Variants in SLC25A21 observed in about 807,000 individuals in gnomAD.
SLC25A21 encodes the protein mitochondrial 2-oxodicarboxylate carrier.
SLC25A21 carries 47 observed loss-of-function variants against 43.8 expected under a neutral mutation model. That is an observed-to-expected ratio of 1.07 (90% CI 0.85 to 1.37). The LOEUF (loss-of-function observed/expected upper bound fraction) is 1.37. Ranked by LOEUF, SLC25A21 falls within the 40% of genes most tolerant of loss-of-function variation. The pLI is 0.00. For synonymous variants in SLC25A21, 131 were observed against 121.3 expected, an observed-to-expected ratio of 1.08 and a Z score of -0.52; for missense variants, 352 against 350.2, an observed-to-expected ratio of 1.00 and a Z score of -0.04.
chr14:36,949,556 TC>T (rs1247462110), intron 1 of SLC25A21, among the ~76,000 whole-genome samples: 6 of 152,176 alleles, frequency 3.9e-5, no homozygotes, highest in African/African-American at 1.4e-4. Context: ...CCTCTGCACT[TC>T]CTCCCCGCTG....
At chr14:36,740,388 G>T (rs2139238940) in intron 3 of SLC25A21, among the ~76,000 whole-genome samples, 1 of 152,206 alleles carries the variant, frequency 6.6e-6, no homozygotes, top group African/African-American at 2.4e-5. Context: ...GGACTCCAAA[G>T]CCACTAGATT....
intron 1 of SLC25A21, chr14:37,172,035 T>C (rs1594359512): frequency 1.8e-6 from 1 of 545,464 alleles, no homozygotes; most frequent in Non-Finnish European, 3.3e-6. Flanking sequence ...GAACGGACAA[T>C]GCCGGGAACC....
intron 1 of SLC25A21, among the ~76,000 whole-genome samples, chr14:36,966,803 G>C: frequency 6.6e-6 from 1 of 152,248 alleles, no homozygotes; most frequent in East Asian, 1.9e-4. Context: ...TCTGGTTGGG[G>C]AACTTGGGGA....
chr14:37,102,427 A>G (rs1267214852), intron 1 of SLC25A21, among the ~76,000 whole-genome samples: 1 of 151,544 alleles, frequency 6.6e-6, no homozygotes, highest in African/African-American at 2.4e-5. Flanking sequence ...TGGGCAACAG[A>G]GACCTTGTCT....
chr14:36,771,825 A>C (rs1281593182), intron 3 of SLC25A21, among the ~76,000 whole-genome samples: 4 of 152,114 alleles, frequency 2.6e-5, no homozygotes, highest in Admixed American at 1.3e-4. Context: ...TTAATAAGGA[A>C]TAGCCCTTTA....
chr14:37,146,300 C>T lies in SLC25A21; in HGVS notation c.70+25981G>A, dbSNP rs372541192. Among the ~76,000 whole-genome samples, 5 of 152,096 alleles carry T rather than the reference C, an allele frequency of 3.3e-5. No individual in the cohort carries two copies. In the East Asian group the frequency reaches 5.8e-4, roughly 18 times the overall value. On this transcript the variant is annotated intron_variant, in intron 1 of 9. Transcript: ENST00000331299. ...TTTTGTGTGTGTGTGACAGTATATA[C>T]AGTGGTACAAACATGGCTCCATGCA...
rs924361209 is a variant in SLC25A21 at position 37,125,298 on chromosome 14, G to C, written c.70+46983C>G. Among the ~76,000 whole-genome samples the C allele has an allele frequency of 7.2e-5, 11 of 152,288 alleles. No individual in the cohort carries two copies. In the South Asian group the frequency reaches 1.7e-3, roughly 23 times the overall value. Reference sequence around the variant, plus strand: ...ATATTATGGAGTCACATATAGAATGGAGTGATACTTCGGTTAACATAAACA... The same window carrying C: ...ATATTATGGAGTCACATATAGAATGCAGTGATACTTCGGTTAACATAAACA... On this transcript the variant is annotated intron_variant, in intron 1 of 9. Coordinates refer to ENST00000331299, the MANE Select transcript of SLC25A21 (RefSeq NM_030631.4).
At chr14:36,981,401 CA>C (rs1345480544) in intron 1 of SLC25A21, among the ~76,000 whole-genome samples, 5 of 152,168 alleles carry the variant, frequency 3.3e-5, no homozygotes, top group Admixed American at 6.5e-5. Context: ...ATGTTTATTG[CA>C]GCACTATTCA....
At chr14:37,123,260 T>G (rs1437112358) in intron 1 of SLC25A21, among the ~76,000 whole-genome samples, 1 of 152,196 alleles carries the variant, frequency 6.6e-6, no homozygotes, top group Non-Finnish European at 1.5e-5. Context: ...GGAGCCAGGC[T>G]TGGTGTACCT....
chr14:36,983,202 G>A (rs898937411), intron 1 of SLC25A21, among the ~76,000 whole-genome samples: 8 of 152,112 alleles, frequency 5.3e-5, no homozygotes, highest in East Asian at 1.9e-4. Context: ...ATACACTTAC[G>A]AAGTGCATTT....
At chr14:37,115,317 G>A (rs932528070) in intron 1 of SLC25A21, among the ~76,000 whole-genome samples, 1 of 152,186 alleles carries the variant, frequency 6.6e-6, no homozygotes, top group Non-Finnish European at 1.5e-5. Flanking sequence ...GGCCCTGTCA[G>A]TTCTCCTGCT....
Position 36,873,563 on chromosome 14 carries a change from T to C in SLC25A21, c.119+1393A>G, listed in dbSNP as rs565975737. 4.0e-4 allele frequency among the ~76,000 whole-genome samples: 61 copies of C among 152,310 alleles called. 2 individuals carry two copies. The South Asian group carries it at 8.1e-3, about 20-fold the overall frequency. On this transcript the variant is annotated intron_variant, in intron 2 of 9. Transcript: ENST00000331299. ...CACCTCCCTCTGCCTCCCAAAGTGC[T>C]AGGATTACAGGCGTGAGCCACCGCG...
chr14:36,680,446 A>ATTATT lies in SLC25A21; in HGVS notation c.*207_*211dup. ...CACTTTAAATACCTCATTGTTTCAT[A>ATTATT]TTATTTTTTTCTTCTCACAGTTTTA... On this transcript the variant is annotated 3_prime_UTR_variant, in exon 10 of 10. Transcript: ENST00000331299. The ATTATT allele has an allele frequency of 8.4e-7, 1 of 1,185,138 alleles. No homozygotes were observed. Among genetic ancestry groups the ATTATT allele is most frequent in the African/African-American group, 1.6e-5 (1 of 63,338 alleles). The allele number at this position is 1,185,138 out of a possible 1,614,324, so 73.4% of individuals were successfully genotyped here. A position where few individuals can be genotyped will look rare whatever the true frequency, so the allele number is the denominator to read the frequency against.
chr14:36,765,622 G>C (rs1028539670), intron 3 of SLC25A21, among the ~76,000 whole-genome samples: 1 of 152,196 alleles, frequency 6.6e-6, no homozygotes, highest in Non-Finnish European at 1.5e-5. Flanking sequence ...TACTAGAAAA[G>C]ATGAAAAGTT....
intron 3 of SLC25A21, among the ~76,000 whole-genome samples, chr14:36,755,117 C>T (rs1433675307): frequency 6.6e-6 from 1 of 152,046 alleles, no homozygotes; most frequent in Non-Finnish European, 1.5e-5. Flanking sequence ...AGTTTGGACC[C>T]TTGAAAAACC....
intron 1 of SLC25A21, among the ~76,000 whole-genome samples, chr14:36,946,070 T>C (rs912076239): frequency 3.3e-5 from 5 of 152,146 alleles, no homozygotes. Context: ...TCAGATAAAT[T>C]AGTGAATACC....
At chr14:37,073,070 T>G (rs1362933174) in intron 1 of SLC25A21, among the ~76,000 whole-genome samples, 1 of 152,208 alleles carries the variant, frequency 6.6e-6, no homozygotes, top group African/African-American at 2.4e-5. Context: ...TTAAGAACAC[T>G]TGAAAAAACA....
Position 36,986,578 on chromosome 14 carries a change from G to A in SLC25A21, c.71-111574C>T, listed in dbSNP as rs146190565. Reference sequence around the variant, plus strand: ...ACACTTCCAATGTGAGACCATGTTAGCTCCTCCTACAGAGGATCTTAGTTA... The same window carrying A: ...ACACTTCCAATGTGAGACCATGTTAACTCCTCCTACAGAGGATCTTAGTTA... On this transcript the variant is annotated intron_variant, in intron 1 of 9. Transcript: ENST00000331299. Among the ~76,000 whole-genome samples, 817 of 152,212 alleles carry A rather than the reference G, an allele frequency of 5.4e-3. 11 individuals carry two copies. Among genetic ancestry groups the A allele is most frequent in the African/African-American group, 0.019 (793 of 41,526 alleles).
At chr14:36,797,201 T>C (rs934551851) in intron 3 of SLC25A21, among the ~76,000 whole-genome samples, 6 of 152,206 alleles carry the variant, frequency 3.9e-5, no homozygotes, top group Admixed American at 1.3e-4. Flanking sequence ...CTAACAATAG[T>C]TTGATTAGTT....
Sources: gnomAD v4.1 joint callset for allele counts (sites outside exome capture counted in the v4.1 genomes callset) on GRCh38, gnomAD v4.1.1 for gene constraint, MANE v1.5 for transcripts, NCBI Gene and HGNC (gene_info 2026-07-23, HGNC 2026-07-21) for gene names.